The following HOXA1 variants were observed in gnomAD, a reference collection of about 807,000 sequenced individuals.
HOXA1 encodes homeobox protein Hox-A1.
In HOXA1, 21 loss-of-function variants were observed where a neutral mutation model predicts 28.3. The observed-to-expected ratio is 0.74, with a 90% CI of 0.53 to 1.07. The LOEUF is 1.07. Ranked by LOEUF, HOXA1 falls within the 50% of genes least tolerant of loss-of-function variation. The pLI, the probability that HOXA1 is intolerant of heterozygous loss-of-function variation, is 0.00. For missense variants in HOXA1, 446 were observed against 434.3 expected (o/e 1.03, Z -0.24); for synonymous variants, 208 against 181.2 (o/e 1.15, Z -1.19).
rs17449010 is a variant in HOXA1 at position 27,093,381 on chromosome 7, G to C, written c.*1059C>G. The C allele has an allele frequency of 6.5e-6, 1 of 152,718 alleles. No homozygotes were observed. Among genetic ancestry groups the C allele is most frequent in the East Asian group, 1.9e-4 (1 of 5,186 alleles). 9.5% of individuals were successfully genotyped at this position (152,718 alleles called of 1,614,324 possible). A position where few individuals can be genotyped will look rare whatever the true frequency, so the allele number is the denominator to read the frequency against. ...TCTGCTCTGGATCATATCACTCCAG[G>C]ATCTCAGAGCTGTTCATGATTGTAC... On this transcript the variant is annotated 3_prime_UTR_variant, in exon 2 of 2. Transcript: ENST00000643460.
Position 27,094,038 on chromosome 7 carries a change from T to A in HOXA1, c.*402A>T, listed in dbSNP as rs1409986459. 4.7e-6 allele frequency: 1 copy of A among 210,910 alleles called. No homozygotes were observed. The highest frequency in any genetic ancestry group is 9.7e-6 in the Non-Finnish European group (1 of 102,636). 13.1% of individuals were successfully genotyped at this position (210,910 alleles called of 1,614,324 possible). On this transcript the variant is annotated 3_prime_UTR_variant, in exon 2 of 2. Transcript: ENST00000643460. ...GCTCCTGGACTCGCCTTTCGCTATA[T>A]CCTACTTTCAAGGACAAGGGAGGGG...
At position 27,095,739 on chromosome 7, in the gene HOXA1, C is replaced by G. The variant is rs77832452; in HGVS notation, c.174G>C (p.Gly58=). 1,348 of 1,613,346 alleles carry G rather than the reference C, an allele frequency of 8.4e-4. 11 individuals carry two copies. The African/African-American group carries it at 0.015, about 18-fold the overall frequency. The stretch of plus-strand genomic sequence containing the variant: ...GGTGGTGGGGCGAACCGATCTGCAC[C>G]CCCCTGCCCACTAGGAAGCGGTCGT... ...GGDDRFLVGR[G]VQIGSPHHHH... The change falls in exon 1 of 2, where the codon GGG becomes GGC. Residue 58 remains glycine (G), a synonymous_variant. Transcript: ENST00000643460.
At chr7:27,094,896 T>G in intron 1 of HOXA1, 101 bp from the exon 2 acceptor site, 1 of 902,226 alleles carries the variant, frequency 1.1e-6, no homozygotes, top group Non-Finnish European at 1.8e-6. Flanking sequence ...AAAGAAAAGA[T>G]CAAGAACTCA....
Position 27,094,731 on chromosome 7 carries a change from C to T in HOXA1, c.717G>A (p.Lys239=). The change falls in exon 2 of 2, where the codon AAG becomes AAA. Residue 239 remains lysine, a synonymous_variant. Coordinates refer to ENST00000643460, the MANE Select transcript of HOXA1 (RefSeq NM_005522.5). ...PNAVRTNFTT[K]QLTELEKEFH... is the part of the protein sequence containing the mutation. Reference sequence around the variant, plus strand: ...ACTCCTTCTCCAGTTCCGTGAGCTGCTTGGTAGTGAAGTTGGTGCGCACCG... The same window carrying T: ...ACTCCTTCTCCAGTTCCGTGAGCTGTTTGGTAGTGAAGTTGGTGCGCACCG... 6.2e-7 allele frequency: 1 copy of T among 1,614,140 alleles called. No homozygotes were observed. The highest frequency in any genetic ancestry group is 1.1e-5 in the South Asian group (1 of 91,088).
rs144288739 is a variant in HOXA1 at position 27,095,762 on chromosome 7, C to G, written c.151G>C (p.Asp51His). ...AVSANSCGGD[D>H]RFLVGRGVQI... ...ACCCCCCTGCCCACTAGGAAGCGGT[C>G]GTCGCCGCCGCAACTGTTGGCGCTG... is the stretch of plus-strand genomic sequence containing the variant. The change falls in exon 1 of 2, where the codon GAC becomes CAC. Residue 51 changes from aspartate to histidine, a missense_variant. By Grantham distance (81) the Asp-to-His change is moderately conservative. Transcript: ENST00000643460. 99 of 1,612,670 alleles carry G rather than the reference C, an allele frequency of 6.1e-5. No individual in the cohort carries two copies. Among genetic ancestry groups the G allele is most frequent in the Non-Finnish European group, 8.1e-5 (95 of 1,179,360 alleles).
rs144812662 is a variant in HOXA1 at position 27,094,574 on chromosome 7, G to C, written c.874C>G (p.Leu292Val). 20 of 1,614,030 alleles carry C rather than the reference G, an allele frequency of 1.2e-5. No individual in the cohort carries two copies. In the African/African-American group the frequency reaches 2.0e-4, roughly 16 times the overall value. The part of the protein sequence containing the change: ...MKQKKREKEG[L>V]LPISPATPPG... ...GGGGTGGCCGGAGAGATGGGCAAGA[G>C]ACCCTCCTTCTCACGTTTCTTTTGC... Residue 292 changes from leucine to valine, a missense_variant, in exon 2 of 2, where the codon CTC becomes GTC. Coordinates refer to ENST00000643460, the MANE Select transcript of HOXA1 (RefSeq NM_005522.5).
rs781331719 is a variant in HOXA1 at position 27,095,694 on chromosome 7, G to T, written c.219C>A (p.Arg73=). ...TCTGGTAGGTAGCCGGCTGGGGGTG[G>T]CGATGGTGGTGGTGGTGGTGGTGGT... The part of the protein sequence containing the change: ...SPHHHHHHHH[R]HPQPATYQTS... Residue 73 remains arginine (R), a synonymous_variant, in exon 1 of 2, where the codon CGC becomes CGA. Coordinates refer to ENST00000643460, the MANE Select transcript of HOXA1 (RefSeq NM_005522.5). 6.4e-6 allele frequency: 9 copies of T among 1,415,902 alleles called. No individual in the cohort carries two copies. The Admixed American group carries it at 1.6e-4, about 26-fold the overall frequency. The allele number at this position is 1,415,902 out of a possible 1,614,324, so 87.7% of individuals were successfully genotyped here. A position where few individuals can be genotyped will look rare whatever the true frequency, so the allele number is the denominator to read the frequency against.
rs1783784030 is a variant in HOXA1 at position 27,094,849 on chromosome 7, T to C, written c.653-54A>G. 6.0e-6 allele frequency: 8 copies of C among 1,325,942 alleles called. No homozygotes were observed. In the South Asian group the frequency reaches 8.2e-5, roughly 14 times the overall value. 82.1% of individuals were successfully genotyped at this position (1,325,942 alleles called of 1,614,324 possible). A position where few individuals can be genotyped will look rare whatever the true frequency, so the allele number is the denominator to read the frequency against. On this transcript the variant is annotated intron_variant, in intron 1 of 1. Transcript: ENST00000643460. ...GAAATGTAAAAATTTTTAAATCGAC[T>C]TGAGATTCCCCACACGCTTCATGGC...
chr7:27,095,716 T>C lies in HOXA1; in HGVS notation c.197A>G (p.His66Arg). ...GRGVQIGSPH[H>R]HHHHHHRHPQ... ...GTGGCGATGGTGGTGGTGGTGGTGGTGGTGGGGCGAACCGATCTGCACCCC... is the reference window on the plus strand; with the variant it reads ...GTGGCGATGGTGGTGGTGGTGGTGGCGGTGGGGCGAACCGATCTGCACCCC... The change falls in exon 1 of 2, where the codon CAC (histidine) becomes CGC (arginine). Residue 66 changes from histidine (H) to arginine (R), a missense_variant. Physicochemically the swap from His to Arg is conservative, Grantham distance 29. Coordinates refer to ENST00000643460, the MANE Select transcript of HOXA1 (RefSeq NM_005522.5). The C allele has an allele frequency of 6.2e-7, 1 of 1,611,072 alleles. No homozygotes were observed. Among genetic ancestry groups the C allele is most frequent in the Non-Finnish European group, 8.5e-7 (1 of 1,178,770 alleles).
At chr7:27,094,820 G>C in intron 1 of HOXA1, 25 bp from the exon 2 acceptor site, 1 of 1,577,566 alleles carries the variant, frequency 6.3e-7, no homozygotes, top group South Asian at 1.1e-5. Context: ...GAAGCCATGA[G>C]ACGGAAATGT....
At position 27,094,343 on chromosome 7, in the gene HOXA1, A is replaced by G; in HGVS notation, c.*97T>C. ...GATAGGATTAGAAAGGAAGAAAGAG[A>G]CTGTAAATGGAAAGAAAGATAAGCT... On this transcript the variant is annotated 3_prime_UTR_variant, in exon 2 of 2. Transcript: ENST00000643460. 1.2e-6 allele frequency: 1 copy of G among 859,650 alleles called. No homozygotes were observed. The highest frequency in any genetic ancestry group is 2.0e-6 in the Non-Finnish European group (1 of 504,254). 53.3% of individuals were successfully genotyped at this position (859,650 alleles called of 1,614,324 possible).
chr7:27,095,112 A>G (rs953424568), intron 1 of HOXA1, 149 bp downstream of exon 1: 14 of 872,490 alleles, frequency 1.6e-5, no homozygotes, highest in South Asian at 1.5e-4. Context: ...CTTTGCCCCA[A>G]CACCTCTGGG....
At position 27,094,722 on chromosome 7, in the gene HOXA1, CG is replaced by C. The variant is rs1461286979; in HGVS notation, c.725del (p.Thr242ArgfsTer13). ...TGAAGTGGAACTCCTTCTCCAGTTC[CG>C]TGAGCTGCTTGGTAGTGAAGTTGGT... is the stretch of plus-strand genomic sequence containing the variant. ...VRTNFTTKQL[T>X]ELEKEFHFNK... On this transcript the variant is annotated frameshift_variant, in exon 2 of 2. Transcript: ENST00000643460. LOFTEE classifies it high-confidence loss of function. 1 of 1,614,008 alleles carries C rather than the reference CG, an allele frequency of 6.2e-7. No individual in the cohort carries two copies. The highest frequency in any genetic ancestry group is 8.5e-7 in the Non-Finnish European group (1 of 1,180,012).
intron 1 of HOXA1, 104 bp from the exon 2 acceptor site, chr7:27,094,899 A>G: frequency 1.1e-6 from 1 of 880,282 alleles, no homozygotes; most frequent in South Asian, 1.4e-5. Context: ...GAAAAGATCA[A>G]GAACTCAGCA....
chr7:27,096,000 T>C lies in HOXA1; in HGVS notation c.-88A>G. 3 of 706,176 alleles carry C rather than the reference T, an allele frequency of 4.2e-6. No homozygotes were observed. The highest frequency in any genetic ancestry group is 1.3e-5 in the South Asian group (1 of 74,120). The allele number at this position is 706,176 out of a possible 1,614,324, so 43.7% of individuals were successfully genotyped here. On this transcript the variant is annotated 5_prime_UTR_variant, in exon 1 of 2. Transcript: ENST00000643460. ...CCATGGGGCCGGAGAAGAAAAATGA[T>C]ATGAATGTACAGTGCGCAAGAGGGG...
In HOXA1 at chr7:27,093,616, A is replaced by G. The variant is rs1018911652; in HGVS notation, c.*824T>C. On this transcript the variant is annotated 3_prime_UTR_variant, in exon 2 of 2. Transcript: ENST00000643460. Reference sequence around the variant, plus strand: ...CTGTGGAAGGAAGAAATTGGTTTGAATAATACTTTTAGGTTCTGAATAACC... The same window carrying G: ...CTGTGGAAGGAAGAAATTGGTTTGAGTAATACTTTTAGGTTCTGAATAACC... 1 of 152,606 alleles carries G rather than the reference A, an allele frequency of 6.6e-6. No homozygotes were observed. Among genetic ancestry groups the G allele is most frequent in the Non-Finnish European group, 1.5e-5 (1 of 68,044 alleles). 9.5% of individuals were successfully genotyped at this position (152,606 alleles called of 1,614,324 possible).
At position 27,094,388 on chromosome 7, in the gene HOXA1, G is replaced by C; in HGVS notation, c.*52C>G. On this transcript the variant is annotated 3_prime_UTR_variant, in exon 2 of 2. Transcript: ENST00000643460. Reference sequence around the variant, plus strand: ...TAAGCTAAGCATGTGCTTTGGGTAAGAAGTCCCAGCCCAAGGAGATGCCTG... The same window carrying C: ...TAAGCTAAGCATGTGCTTTGGGTAACAAGTCCCAGCCCAAGGAGATGCCTG... 1 of 1,235,890 alleles carries C rather than the reference G, an allele frequency of 8.1e-7. No individual in the cohort carries two copies. The highest frequency in any genetic ancestry group is 1.2e-6 in the Non-Finnish European group (1 of 835,912). The allele number at this position is 1,235,890 out of a possible 1,614,324, so 76.6% of individuals were successfully genotyped here.
In HOXA1 at chr7:27,095,117, T is replaced by C. The variant is rs552758495; in HGVS notation, c.652+144A>G. 5 of 918,132 alleles carry C rather than the reference T, an allele frequency of 5.4e-6. No individual in the cohort carries two copies. The African/African-American group carries it at 8.3e-5, about 15-fold the overall frequency. 56.9% of individuals were successfully genotyped at this position (918,132 alleles called of 1,614,324 possible). A position where few individuals can be genotyped will look rare whatever the true frequency, so the allele number is the denominator to read the frequency against. On this transcript the variant is annotated intron_variant, in intron 1 of 1. Coordinates refer to ENST00000643460, the MANE Select transcript of HOXA1 (RefSeq NM_005522.5). ...CCTGAGACTTCTTTGCCCCAACACC[T>C]CTGGGCACCCTCTCCATGCACTACA...
Position 27,094,693 on chromosome 7 carries a change from T to C in HOXA1, c.755A>G (p.Lys252Arg), listed in dbSNP as rs771124603. The C allele has an allele frequency of 5.0e-6, 8 of 1,614,166 alleles. No homozygotes were observed. In the Admixed American group the frequency reaches 1.0e-4, roughly 20 times the overall value. Residue 252 changes from lysine (K) to arginine (R), a missense_variant, in exon 2 of 2, where the codon AAG (lysine) becomes AGG (arginine). Lys to Arg is a conservative substitution (Grantham distance 26, BLOSUM62 2). Coordinates refer to ENST00000643460, the MANE Select transcript of HOXA1 (RefSeq NM_005522.5). Reference protein sequence around the residue: ...TELEKEFHFNKYLTRARRVEI... With the variant: ...TELEKEFHFNRYLTRARRVEI... The stretch of plus-strand genomic sequence containing the variant: ...CACCCTGCGGGCGCGCGTCAGGTAC[T>C]TGTTGAAGTGGAACTCCTTCTCCAG...
Sources: gnomAD v4.1 joint callset for allele counts on GRCh38, gnomAD v4.1.1 for gene constraint, MANE v1.5 for transcripts, NCBI Gene and HGNC (gene_info 2026-07-23, HGNC 2026-07-21) for gene names.